ITGB3BP: variants seen among roughly 807,000 people sequenced by gnomAD.
ITGB3BP encodes the protein integrin subunit beta 3 binding protein, also known as centromere protein R.
In ITGB3BP, 27 loss-of-function variants were observed where a neutral mutation model predicts 29.1. The ratio of observed to expected loss-of-function variants is 0.93; its 90% CI spans 0.68 to 1.28. The LOEUF (loss-of-function observed/expected upper bound fraction) is 1.28. ITGB3BP is among the 50% of genes most tolerant of loss of function. ITGB3BP has a pLI of 0.00. For synonymous variants in ITGB3BP, 61 were observed against 61.4 expected (o/e 0.99, Z 0.03); for missense variants, 192 against 200.2 (o/e 0.96, Z 0.25).
At chr1:63,449,687 A>G (rs1485900106) in intron 7 of ITGB3BP, 1 of 154,584 alleles carries the variant, frequency 6.5e-6, no homozygotes, top group Non-Finnish European at 1.5e-5. Context: ...TGTGCTATCA[A>G]AATTAATGGC....
chr1:63,518,107 T>C (rs1646374397), intron 1 of ITGB3BP, among the ~76,000 whole-genome samples: 1 of 152,222 alleles, frequency 6.6e-6, no homozygotes, highest in South Asian at 2.1e-4. Flanking sequence ...TTCTTGCCTT[T>C]TTCCTAATCT....
intron 2 of ITGB3BP, among the ~76,000 whole-genome samples, chr1:63,492,770 TA>T (rs370529932): frequency 7.4e-5 from 11 of 149,382 alleles, no homozygotes; most frequent in African/African-American, 1.5e-4. Flanking sequence ...TGTAACAAAA[TA>T]AAAAAAAACA....
intron 2 of ITGB3BP, among the ~76,000 whole-genome samples, chr1:63,503,993 C>T (rs990927993): frequency 1.1e-4 from 17 of 151,934 alleles, no homozygotes; most frequent in African/African-American, 3.9e-4. Flanking sequence ...CTTGGCGATG[C>T]AGGCTCTTTT....
intron 4 of ITGB3BP, among the ~76,000 whole-genome samples, chr1:63,470,284 C>T (rs1415651401): frequency 2.6e-5 from 4 of 152,148 alleles, no homozygotes; most frequent in Admixed American, 6.6e-5. Context: ...AGGGTCTCCC[C>T]GACCGAGCTG....
At chr1:63,442,682 AT>A (rs1644744852) in intron 8 of ITGB3BP, 2 of 152,318 alleles carry the variant, frequency 1.3e-5, no homozygotes, top group Admixed American at 1.3e-4. Context: ...TCCACCACCA[AT>A]CAAGTTGATA....
chr1:63,472,807 C>T (rs868304939), intron 4 of ITGB3BP, among the ~76,000 whole-genome samples: 1 of 151,670 alleles, frequency 6.6e-6, no homozygotes, highest in East Asian at 2.0e-4. Flanking sequence ...AGTGCAGTGG[C>T]GTGATCTCGG....
At chr1:63,521,408 A>G (rs1646441578) in intron 1 of ITGB3BP, among the ~76,000 whole-genome samples, 1 of 149,490 alleles carries the variant, frequency 6.7e-6, no homozygotes, top group African/African-American at 2.4e-5. Context: ...CTAGTTTCAC[A>G]TATATATTAG....
chr1:63,515,860 C>T (rs1570330569), intron 1 of ITGB3BP, among the ~76,000 whole-genome samples: 2 of 140,538 alleles, frequency 1.4e-5, no homozygotes, highest in East Asian at 2.1e-4. Flanking sequence ...AAAAGAACTA[C>T]CCAGCAACCA....
chr1:63,486,031 T>G (rs1645522217), intron 3 of ITGB3BP, among the ~76,000 whole-genome samples: 1 of 152,086 alleles, frequency 6.6e-6, no homozygotes, highest in South Asian at 2.1e-4. Context: ...ATTCTCTGTA[T>G]TTCCTCCTTG....
chr1:63,465,297 T>C (rs1645080827), intron 4 of ITGB3BP, among the ~76,000 whole-genome samples: 1 of 152,196 alleles, frequency 6.6e-6, no homozygotes, highest in African/African-American at 2.4e-5. Context: ...TGTTCAGGAA[T>C]TCTTTTTAAT....
chr1:63,521,094 AAGAT>A (rs1341626636), intron 1 of ITGB3BP, among the ~76,000 whole-genome samples: 1 of 152,148 alleles, frequency 6.6e-6, no homozygotes, highest in Non-Finnish European at 1.5e-5. Flanking sequence ...AATTAGAAAA[AAGAT>A]AGATCACACC....
chr1:63,468,117 C>T (rs190936642), intron 4 of ITGB3BP, among the ~76,000 whole-genome samples: 2 of 152,172 alleles, frequency 1.3e-5, no homozygotes, highest in South Asian at 2.1e-4. Context: ...TCTATTAATA[C>T]ATAGTAAAAA....
intron 2 of ITGB3BP, among the ~76,000 whole-genome samples, chr1:63,506,233 T>G (rs367623645): frequency 2.2e-4 from 34 of 152,332 alleles, no homozygotes; most frequent in African/African-American, 7.5e-4. Flanking sequence ...GATAGTTAGC[T>G]CTTCTTGTTG....
At chr1:63,445,551 A>G (rs1423008712) in intron 8 of ITGB3BP, among the ~76,000 whole-genome samples, 3 of 151,446 alleles carry the variant, frequency 2.0e-5, no homozygotes, top group African/African-American at 7.3e-5. Flanking sequence ...TTGTGCTTTG[A>G]TTTTTTTTCC....
chr1:63,476,663 T>C (rs902094140), intron 4 of ITGB3BP, among the ~76,000 whole-genome samples: 4 of 152,320 alleles, frequency 2.6e-5, no homozygotes, highest in African/African-American at 7.2e-5. Flanking sequence ...TAAGTTTAAG[T>C]GGACCTGATT....
chr1:63,511,681 C>G (rs1322736999), intron 1 of ITGB3BP, among the ~76,000 whole-genome samples: 1 of 151,864 alleles, frequency 6.6e-6, no homozygotes, highest in African/African-American at 2.4e-5. Context: ...GTAAAATAAG[C>G]CAGTCACAAA....
chr1:63,522,375 C>G (rs7525159), intron 1 of ITGB3BP, among the ~76,000 whole-genome samples: 22 of 152,154 alleles, frequency 1.4e-4, no homozygotes, highest in African/African-American at 4.1e-4. Context: ...AGAGGGGGTA[C>G]CTAAATCAAC....
At chr1:63,446,645 G>A (rs1012175978) in intron 8 of ITGB3BP, 161 bp downstream of exon 8, 5 of 611,204 alleles carry the variant, frequency 8.2e-6, no homozygotes, top group African/African-American at 5.6e-5. Context: ...TTGTTGATAA[G>A]ACTAGATTAA....
In ITGB3BP at chr1:63,498,197, T is replaced by C. The variant is rs186419920; in HGVS notation, c.49-7979A>G. ...AACAGAAAATTTGAATAAAACTATA[T>C]ACCAACTAGATTTAACAGACATCTA... On this transcript the variant is annotated intron_variant, in intron 2 of 8. Transcript: ENST00000271002. Among the ~76,000 whole-genome samples, 218 of 152,150 alleles carry C rather than the reference T, an allele frequency of 1.4e-3. 1 individual carries two copies. The highest frequency in any genetic ancestry group is 5.1e-3 in the African/African-American group (213 of 41,520).
Sources: gnomAD v4.1 joint callset for allele counts (sites outside exome capture counted in the v4.1 genomes callset) on GRCh38, gnomAD v4.1.1 for gene constraint, MANE v1.5 for transcripts, NCBI Gene and HGNC (gene_info 2026-07-23, HGNC 2026-07-21) for gene names.